The following PAQR8 variants were observed in gnomAD, a reference collection of about 807,000 sequenced individuals.
The protein encoded by PAQR8 is progestin and adipoQ receptor family member 8.
A neutral mutation model predicts 25.2 loss-of-function variants in PAQR8; 17 were observed. The observed-to-expected ratio is 0.67, with a 90% confidence interval of 0.46 to 1.01. The LOEUF (loss-of-function observed/expected upper bound fraction) is 1.01, where lower values mean the gene tolerates loss of function less well. PAQR8 is among the 50% of genes least tolerant of loss of function. The pLI is 0.00. For missense variants in PAQR8, 392 were observed against 448.4 expected, an observed-to-expected ratio of 0.87 and a Z score of 1.14; for synonymous variants, 204 against 190.6, an observed-to-expected ratio of 1.07 and a Z score of -0.58.
At chr6:52,368,652 C>G (rs989384914) in intron 1 of PAQR8, among the ~76,000 whole-genome samples, 1 of 152,176 alleles carries the variant, frequency 6.6e-6, no homozygotes, top group Admixed American at 6.5e-5. Flanking sequence ...AAATTTACCT[C>G]ATTCAATATT....
At chr6:52,366,497 C>T (rs1374578266) in intron 1 of PAQR8, among the ~76,000 whole-genome samples, 2 of 152,152 alleles carry the variant, frequency 1.3e-5, no homozygotes, top group Non-Finnish European at 2.9e-5. Flanking sequence ...AGGTGGATCT[C>T]TCAATAGTGT....
At chr6:52,374,481 A>G (rs1219672178) in intron 1 of PAQR8, among the ~76,000 whole-genome samples, 1 of 152,078 alleles carries the variant, frequency 6.6e-6, no homozygotes, top group Non-Finnish European at 1.5e-5. Flanking sequence ...TGGTGTAATC[A>G]TAGCTCACTG....
intron 1 of PAQR8, among the ~76,000 whole-genome samples, chr6:52,376,867 A>G (rs576903733): frequency 5.3e-5 from 8 of 152,202 alleles, no homozygotes; most frequent in Non-Finnish European, 1.2e-4. Context: ...AGGCTGAAAT[A>G]GCAAGTTGGG....
intron 1 of PAQR8, among the ~76,000 whole-genome samples, chr6:52,384,533 AC>A (rs35132948): frequency 0.33 from 50,239 of 151,950 alleles, 8,688 homozygotes; most frequent in Admixed American, 0.45. Context: ...GTTATGAGAC[AC>A]CCAAAAAGTA....
intron 1 of PAQR8, among the ~76,000 whole-genome samples, chr6:52,371,233 A>G (rs1763416134): frequency 6.6e-6 from 1 of 152,180 alleles, no homozygotes. Context: ...TAGCTTCCCT[A>G]GAGAAGCCAA....
At chr6:52,364,166 T>A (rs1485657419) in intron 1 of PAQR8, among the ~76,000 whole-genome samples, 2 of 146,756 alleles carry the variant, frequency 1.4e-5, no homozygotes, top group Non-Finnish European at 3.0e-5. Flanking sequence ...TGACACACAC[T>A]GAGATTTGAG....
chr6:52,391,609 A>G (rs1431103633), intron 1 of PAQR8, among the ~76,000 whole-genome samples: 1 of 152,222 alleles, frequency 6.6e-6, no homozygotes, highest in Non-Finnish European at 1.5e-5. Context: ...GAGTTCTCTC[A>G]CTTAACGACT....
At chr6:52,395,861 A>G (rs1273334033) in intron 1 of PAQR8, among the ~76,000 whole-genome samples, 1 of 152,176 alleles carries the variant, frequency 6.6e-6, no homozygotes, top group East Asian at 1.9e-4. Context: ...CTTTTTTATG[A>G]GGACAATGAC....
At chr6:52,363,308 T>C (rs1378515243) in intron 1 of PAQR8, among the ~76,000 whole-genome samples, 2 of 152,162 alleles carry the variant, frequency 1.3e-5, no homozygotes, top group Admixed American at 6.5e-5. Flanking sequence ...GGCAGGCTCA[T>C]TGTCTTGACC....
rs149431852 is a variant in PAQR8, at chr6:52,403,396, G to A, written c.183G>A (p.Glu61=). 157 of 1,614,126 alleles carry A rather than the reference G, an allele frequency of 9.7e-5. No homozygotes were observed. Among genetic ancestry groups the A allele is most frequent in the Middle Eastern group, 3.3e-4 (2 of 6,084 alleles). ...CCGGCTACCGCCCCACGGGGCACGA[G>A]TGGCGCTACTACTTCTTCAGCCTCT... ...IRTGYRPTGH[E]WRYYFFSLFQ... Residue 61 remains glutamate, a synonymous_variant, in exon 2 of 2, where the codon GAG becomes GAA. Coordinates refer to ENST00000442253, the MANE Select transcript of PAQR8 (RefSeq NM_133367.5).
chr6:52,389,793 A>G (rs1763677474), intron 1 of PAQR8, among the ~76,000 whole-genome samples: 1 of 152,180 alleles, frequency 6.6e-6, no homozygotes, highest in African/African-American at 2.4e-5. Context: ...TGGAAAGGGC[A>G]TTTCCAAGAT....
intron 1 of PAQR8, among the ~76,000 whole-genome samples, chr6:52,383,391 G>T (rs1763586631): frequency 6.6e-6 from 1 of 152,200 alleles, no homozygotes. Context: ...GCCGGGCGCG[G>T]TGGCTCACGC....
In PAQR8 at chr6:52,387,427, G is replaced by C. The variant is rs1763645885; in HGVS notation, c.-52-15735G>C. Reference sequence around the variant, plus strand: ...TACCTTATTGTTGATTTGGTTTAGGGCTTTGAATAGGTCACTTAAATTCAG... The same window carrying C: ...TACCTTATTGTTGATTTGGTTTAGGCCTTTGAATAGGTCACTTAAATTCAG... On this transcript the variant is annotated intron_variant, in intron 1 of 1. Transcript: ENST00000442253. Among the ~76,000 whole-genome samples the C allele has an allele frequency of 2.6e-5, 4 of 152,212 alleles. No individual in the cohort carries two copies. The South Asian group carries it at 8.3e-4, about 32-fold the overall frequency.
chr6:52,386,420 A>G (rs1763633674), intron 1 of PAQR8, among the ~76,000 whole-genome samples: 1 of 152,220 alleles, frequency 6.6e-6, no homozygotes, highest in African/African-American at 2.4e-5. Context: ...GCACTATTCA[A>G]AAATAGCAAA....
Position 52,404,209 on chromosome 6 carries a change from C to T in PAQR8, c.996C>T (p.Ala332=), listed in dbSNP as rs1489181343. 3 of 1,613,794 alleles carry T rather than the reference C, an allele frequency of 1.9e-6. No homozygotes were observed. The highest frequency in any genetic ancestry group is 2.5e-6 in the Non-Finnish European group (3 of 1,179,776). ...MACLSFFFLA[A]CSAATAALLR... ...GCCTCTCCTTCTTCTTCCTGGCTGC[C>T]TGCAGTGCTGCCACCGCAGCCCTTC... is the stretch of plus-strand genomic sequence containing the variant. Residue 332 remains alanine (A), a synonymous_variant, in exon 2 of 2, where the codon GCC becomes GCT. Coordinates refer to ENST00000442253, the MANE Select transcript of PAQR8 (RefSeq NM_133367.5).
rs183756301 is a variant in PAQR8, at chr6:52,382,996, G to C, written c.-52-20166G>C. Among the ~76,000 whole-genome samples, 239 of 152,338 alleles carry C rather than the reference G, an allele frequency of 1.6e-3. 1 individual carries two copies. Among genetic ancestry groups the C allele is most frequent in the African/African-American group, 5.3e-3 (222 of 41,568 alleles). ...AAACAGGATCTCCCTATGTTGCCCA[G>C]GCTGGTCTCAAACTCCTGGGTTCAA... is the stretch of plus-strand genomic sequence containing the variant. On this transcript the variant is annotated intron_variant, in intron 1 of 1. Coordinates refer to ENST00000442253, the MANE Select transcript of PAQR8 (RefSeq NM_133367.5).
intron 1 of PAQR8, among the ~76,000 whole-genome samples, chr6:52,392,267 C>A (rs1441543131): frequency 1.3e-5 from 2 of 151,774 alleles, no homozygotes; most frequent in Non-Finnish European, 1.5e-5. Context: ...TTGCTTGAAC[C>A]CAGGAGGCGG....
rs1342155047 is a variant in PAQR8, at chr6:52,405,099, A to AT, written c.*827dup. The stretch of plus-strand genomic sequence containing the variant: ...CTATATGGTATCATGGGACCCATCT[A>AT]TTTTTTACCAGTGGACTACAGGATT... On this transcript the variant is annotated 3_prime_UTR_variant, in exon 2 of 2. Coordinates refer to ENST00000442253, the MANE Select transcript of PAQR8 (RefSeq NM_133367.5). 6.0e-5 allele frequency: 10 copies of AT among 167,070 alleles called. No individual in the cohort carries two copies. Among genetic ancestry groups the AT allele is most frequent in the Non-Finnish European group, 1.0e-4 (7 of 68,120 alleles). The allele number at this position is 167,070 out of a possible 1,614,324, so 10.3% of individuals were successfully genotyped here. A position where few individuals can be genotyped will look rare whatever the true frequency, so the allele number is the denominator to read the frequency against.
intron 1 of PAQR8, among the ~76,000 whole-genome samples, chr6:52,400,649 A>G (rs1010633455): frequency 6.6e-6 from 1 of 152,092 alleles, no homozygotes; most frequent in Admixed American, 6.5e-5. Context: ...TTTTCTCAGG[A>G]ATTCTGATTT....
Sources: gnomAD v4.1 joint callset for allele counts (sites outside exome capture counted in the v4.1 genomes callset) on GRCh38, gnomAD v4.1.1 for gene constraint, MANE v1.5 for transcripts, NCBI Gene and HGNC (gene_info 2026-07-23, HGNC 2026-07-21) for gene names.